Variants in GSG1L observed in about 807,000 individuals in gnomAD.
GSG1L encodes GSG1 like, also known as germ cell-specific gene 1-like protein.
A neutral mutation model predicts 42.1 loss-of-function variants in GSG1L; 24 were observed. The ratio of observed to expected loss-of-function variants is 0.57; its 90% CI spans 0.41 to 0.80. GSG1L has a LOEUF of 0.80. Among genes scored for constraint, GSG1L ranks in the 30% least tolerant of loss-of-function variants. GSG1L has a pLI of 0.00. For synonymous variants in GSG1L, 215 were observed against 203.5 expected (o/e 1.06, Z -0.48); for missense variants, 445 against 472.2 (o/e 0.94, Z 0.53).
At chr16:27,971,537 G>A (rs2085193169) in intron 1 of GSG1L, among the ~76,000 whole-genome samples, 1 of 152,162 alleles carries the variant, frequency 6.6e-6, no homozygotes, top group East Asian at 1.9e-4. Flanking sequence ...AGTTCTAACA[G>A]TTTTAGTGGA....
intron 2 of GSG1L, among the ~76,000 whole-genome samples, chr16:27,910,819 G>A (rs566930410): frequency 6.6e-6 from 1 of 152,276 alleles, no homozygotes; most frequent in Non-Finnish European, 1.5e-5. Context: ...TCCAAGACCA[G>A]CCTGGGCAGC....
chr16:27,833,477 AT>A, intron 4 of GSG1L, among the ~76,000 whole-genome samples: 1 of 152,200 alleles, frequency 6.6e-6, no homozygotes, highest in South Asian at 2.1e-4. Context: ...AGAAATTCTA[AT>A]TCCTTTGCCT....
At chr16:27,939,664 A>G (rs1226343302) in intron 2 of GSG1L, among the ~76,000 whole-genome samples, 1 of 152,174 alleles carries the variant, frequency 6.6e-6, no homozygotes, top group East Asian at 1.9e-4. Flanking sequence ...TTAGAAGAAG[A>G]GATGAAAGTC....
chr16:27,914,453 A>G (rs2084427377), intron 2 of GSG1L, among the ~76,000 whole-genome samples: 2 of 152,168 alleles, frequency 1.3e-5, no homozygotes, highest in African/African-American at 4.8e-5. Flanking sequence ...GTTTCCTGAT[A>G]TGCAAAGTGA....
chr16:27,887,602 TTCCACCTGGAATG>T (rs1410631536), intron 2 of GSG1L, among the ~76,000 whole-genome samples: 1 of 152,194 alleles, frequency 6.6e-6, no homozygotes, highest in East Asian at 1.9e-4. Flanking sequence ...AAGTTGTTCC[TTCCACCTGGAATG>T]TCCCGGGGAC....
At position 27,821,622 on chromosome 16, in the gene GSG1L, C is replaced by T. The variant is rs548490457; in HGVS notation, c.830+7167G>A. Among the ~76,000 whole-genome samples the T allele has an allele frequency of 7.2e-5, 11 of 152,136 alleles. No individual in the cohort carries two copies. The South Asian group carries it at 1.0e-3, about 14-fold the overall frequency. On this transcript the variant is annotated intron_variant, in intron 5 of 6. Coordinates refer to ENST00000447459, the MANE Select transcript of GSG1L (RefSeq NM_001109763.2). ...CAGCCCAAATTTAAGAATTTTGGGCCGGGCGCGGTGGCTCACACCTGTAAT... is the reference window on the plus strand; with the variant it reads ...CAGCCCAAATTTAAGAATTTTGGGCTGGGCGCGGTGGCTCACACCTGTAAT...
chr16:27,901,861 AG>A (rs2141043047), intron 2 of GSG1L, among the ~76,000 whole-genome samples: 1 of 152,280 alleles, frequency 6.6e-6, no homozygotes, highest in African/African-American at 2.4e-5. Context: ...TCCACACTCC[AG>A]CCTCATGGGC....
At chr16:27,880,794 G>C (rs1187508936) in intron 3 of GSG1L, among the ~76,000 whole-genome samples, 1 of 152,020 alleles carries the variant, frequency 6.6e-6, no homozygotes, top group Non-Finnish European at 1.5e-5. Context: ...GAGCAGGTTG[G>C]GGGAAGAGCT....
At chr16:27,833,028 T>C (rs957376946) in intron 4 of GSG1L, among the ~76,000 whole-genome samples, 2 of 152,248 alleles carry the variant, frequency 1.3e-5, no homozygotes, top group African/African-American at 2.4e-5. Flanking sequence ...AAGAACTTTT[T>C]GCCTAGCCCT....
At chr16:27,906,763 G>A (rs936066693) in intron 2 of GSG1L, among the ~76,000 whole-genome samples, 3 of 152,044 alleles carry the variant, frequency 2.0e-5, no homozygotes, top group Non-Finnish European at 1.5e-5. Context: ...CCCTAGCAGC[G>A]GTCTCATTTT....
chr16:28,053,423 T>A (rs2086241224), intron 1 of GSG1L, among the ~76,000 whole-genome samples: 1 of 152,112 alleles, frequency 6.6e-6, no homozygotes, highest in South Asian at 2.1e-4. Context: ...GCCCCCATCC[T>A]CCAAACACTG....
At chr16:28,017,003 C>T (rs746000394) in intron 1 of GSG1L, among the ~76,000 whole-genome samples, 94 of 152,314 alleles carry the variant, frequency 6.2e-4, no homozygotes, top group Non-Finnish European at 1.1e-3. Flanking sequence ...GCAGAGAGAA[C>T]CAAGGGAGAG....
intron 2 of GSG1L, among the ~76,000 whole-genome samples, chr16:27,896,772 C>T (rs867107927): frequency 1.4e-4 from 21 of 152,144 alleles, no homozygotes; most frequent in Admixed American, 3.9e-4. Context: ...GGAATGCAGG[C>T]GGCCTCTAGA....
chr16:27,853,760 C>T (rs2140992533), intron 3 of GSG1L, among the ~76,000 whole-genome samples: 1 of 152,300 alleles, frequency 6.6e-6, no homozygotes, highest in Non-Finnish European at 1.5e-5. Flanking sequence ...CCTTGTTCAG[C>T]TCAGCTGCCC....
intron 1 of GSG1L, among the ~76,000 whole-genome samples, chr16:28,026,377 C>T (rs2085901176): frequency 6.6e-6 from 1 of 152,208 alleles, no homozygotes; most frequent in South Asian, 2.1e-4. Flanking sequence ...TCTGATTCTG[C>T]TGCGGATCTG....
chr16:27,976,973 G>A (rs1374040061), intron 1 of GSG1L, among the ~76,000 whole-genome samples: 1 of 152,112 alleles, frequency 6.6e-6, no homozygotes, highest in African/African-American at 2.4e-5. Flanking sequence ...AGCGTGGCTT[G>A]GCCCCTCTGC....
intron 1 of GSG1L, among the ~76,000 whole-genome samples, chr16:27,979,782 GAA>G (rs1368681153): frequency 6.9e-5 from 8 of 115,810 alleles, no homozygotes; most frequent in Admixed American, 3.8e-4. Flanking sequence ...AAGAAAGAAA[GAA>G]AAAGAAAGAA....
chr16:27,833,095 C>T (rs1326820310), intron 4 of GSG1L, among the ~76,000 whole-genome samples: 2 of 152,148 alleles, frequency 1.3e-5, no homozygotes, highest in Non-Finnish European at 2.9e-5. Flanking sequence ...ACATTTTATA[C>T]TTAAATCTGT....
chr16:27,864,402 T>C (rs972052902), intron 3 of GSG1L, among the ~76,000 whole-genome samples: 1 of 152,158 alleles, frequency 6.6e-6, no homozygotes, highest in Non-Finnish European at 1.5e-5. Flanking sequence ...ATGAACACTA[T>C]GACATGGAGA....
Sources: allele counts gnomAD v4.1 joint callset (sites outside exome capture counted in the v4.1 genomes callset), GRCh38; gene constraint gnomAD v4.1.1; transcripts MANE v1.5; gene names NCBI Gene and HGNC (gene_info 2026-07-23, HGNC 2026-07-21).